The following C1orf87 variants were observed in gnomAD, a reference collection of about 807,000 sequenced individuals.
The protein encoded by C1orf87 is uncharacterized protein C1orf87.
In C1orf87, 58 loss-of-function variants were observed where a neutral mutation model predicts 60.5. The observed-to-expected ratio is 0.96, with a 90% CI of 0.78 to 1.19. The LOEUF is 1.19. Among genes scored for constraint, C1orf87 ranks in the 50% most tolerant of loss-of-function variants. C1orf87 has a pLI of 0.00. For missense variants in C1orf87, 673 were observed against 638.6 expected (o/e 1.05, Z -0.58); for synonymous variants, 236 against 227.4 (o/e 1.04, Z -0.34).
At chr1:60,070,769 T>A (rs898463788) in intron 2 of C1orf87, among the ~76,000 whole-genome samples, 1 of 152,208 alleles carries the variant, frequency 6.6e-6, no homozygotes, top group Non-Finnish European at 1.5e-5. Flanking sequence ...ACTCTTTTAT[T>A]TCTTGGTTCC....
chr1:60,064,820 A>AATATATATTTAATATATATTT (rs1645529391), intron 2 of C1orf87, among the ~76,000 whole-genome samples: 1 of 92,304 alleles, frequency 1.1e-5, no homozygotes, highest in Non-Finnish European at 1.9e-5. Context: ...AATATATATA[A>AATATATATTTAATATATATTT]ATATATATTA....
intron 3 of C1orf87, among the ~76,000 whole-genome samples, chr1:60,050,645 A>T (rs1645407854): frequency 6.6e-6 from 1 of 151,822 alleles, no homozygotes; most frequent in Non-Finnish European, 1.5e-5. Flanking sequence ...CTCTTATGTA[A>T]TTGCATTGGC....
chr1:60,033,731 C>T lies in C1orf87; in HGVS notation c.864-90G>A. 4 of 1,441,326 alleles carry T rather than the reference C, an allele frequency of 2.8e-6. No individual in the cohort carries two copies. The South Asian group carries it at 4.1e-5, about 15-fold the overall frequency. 89.3% of individuals were successfully genotyped at this position (1,441,326 alleles called of 1,614,324 possible). On this transcript the variant is annotated intron_variant, in intron 6 of 11. Transcript: ENST00000371201. ...CCTACTACATTTCTCAACTTTGCTA[C>T]ACACTATGGAACCAGAGAGCCCATC...
At chr1:60,016,262 A>G (rs1265563689) in intron 8 of C1orf87, among the ~76,000 whole-genome samples, 3 of 152,106 alleles carry the variant, frequency 2.0e-5, no homozygotes, top group Non-Finnish European at 2.9e-5. Context: ...AGGAAAACCA[A>G]CTCATGGGGT....
intron 8 of C1orf87, among the ~76,000 whole-genome samples, chr1:60,017,955 A>G (rs1382241171): frequency 6.6e-6 from 1 of 152,134 alleles, no homozygotes; most frequent in Non-Finnish European, 1.5e-5. Flanking sequence ...AGGAAGCACA[A>G]CTCATTTTAT....
intron 2 of C1orf87, among the ~76,000 whole-genome samples, chr1:60,063,870 G>A (rs912895779): frequency 1.3e-5 from 2 of 152,090 alleles, no homozygotes; most frequent in Non-Finnish European, 2.9e-5. Context: ...GGCCAGTACT[G>A]AGTGTCAACT....
At chr1:60,026,394 A>G (rs752313128) in intron 7 of C1orf87, among the ~76,000 whole-genome samples, 1 of 152,166 alleles carries the variant, frequency 6.6e-6, no homozygotes, top group African/African-American at 2.4e-5. Flanking sequence ...AGCATTTAGG[A>G]TAGTGCCTGG....
intron 3 of C1orf87, among the ~76,000 whole-genome samples, chr1:60,043,287 C>T (rs1645340067): frequency 6.6e-6 from 1 of 152,128 alleles, no homozygotes; most frequent in Admixed American, 6.5e-5. Context: ...GCAGACTTGT[C>T]CAAAACACTC....
intron 6 of C1orf87, 70 bp downstream of exon 6, chr1:60,037,922 C>A (rs72669614): frequency 2.0e-6 from 2 of 990,006 alleles, no homozygotes; most frequent in African/African-American, 3.2e-5. Flanking sequence ...GTTTATGGTA[C>A]TTTTTTATAG....
intron 2 of C1orf87, among the ~76,000 whole-genome samples, chr1:60,071,901 A>G (rs548875407): frequency 6.6e-6 from 1 of 152,322 alleles, no homozygotes; most frequent in South Asian, 2.1e-4. Flanking sequence ...CTACTATATG[A>G]AAGACAGATC....
At chr1:60,069,109 A>T (rs1409260111) in intron 2 of C1orf87, among the ~76,000 whole-genome samples, 1 of 152,156 alleles carries the variant, frequency 6.6e-6, no homozygotes, top group Non-Finnish European at 1.5e-5. Context: ...AATGCATAGG[A>T]AGTTGTAAGC....
intron 3 of C1orf87, among the ~76,000 whole-genome samples, chr1:60,042,966 T>G (rs1374002688): frequency 6.6e-6 from 1 of 152,196 alleles, no homozygotes; most frequent in African/African-American, 2.4e-5. Flanking sequence ...GAATGGCATC[T>G]AAATCTAGGC....
chr1:60,038,211 TA>T (rs11300572), intron 5 of C1orf87, 104 bp from the exon 6 acceptor site: 202,210 of 528,620 alleles, frequency 0.38, 40,797 homozygotes, highest in South Asian at 0.51. Flanking sequence ...ATCAAACATT[TA>T]AAAAAACACT....
intron 7 of C1orf87, among the ~76,000 whole-genome samples, chr1:60,031,808 A>G (rs80254655): frequency 0.02 from 3,001 of 152,300 alleles, 102 homozygotes; most frequent in African/African-American, 0.069. Context: ...AAACTTCACC[A>G]TTGGTTATGT....
At chr1:59,991,238 G>T (rs1210719927) in intron 11 of C1orf87, among the ~76,000 whole-genome samples, 1 of 152,004 alleles carries the variant, frequency 6.6e-6, no homozygotes, top group East Asian at 1.9e-4. Flanking sequence ...AAACATGCAG[G>T]GATTAAACAG....
chr1:60,028,731 G>A (rs571493731), intron 7 of C1orf87, among the ~76,000 whole-genome samples: 3 of 152,090 alleles, frequency 2.0e-5, no homozygotes, highest in South Asian at 2.1e-4. Context: ...AGGAACCTCC[G>A]TGGTTTTAAA....
At chr1:60,064,790 T>TTAAATATATAATTATATTTAATATATA (rs1645528732) in intron 2 of C1orf87, among the ~76,000 whole-genome samples, 1 of 92,704 alleles carries the variant, frequency 1.1e-5, no homozygotes, top group Non-Finnish European at 1.9e-5. Context: ...TAAATATATA[T>TTAAATATATAATTATATTTAATATATA]TAAATATATA....
chr1:60,021,242 G>A (rs1645161670), intron 8 of C1orf87, among the ~76,000 whole-genome samples: 1 of 152,166 alleles, frequency 6.6e-6, no homozygotes, highest in Admixed American at 6.5e-5. Flanking sequence ...AGCACTGTGA[G>A]AACAGACTAA....
intron 11 of C1orf87, among the ~76,000 whole-genome samples, chr1:59,996,794 A>G (rs534552696): frequency 1.3e-5 from 2 of 152,280 alleles, no homozygotes; most frequent in East Asian, 1.9e-4. Flanking sequence ...ATTTATCACC[A>G]TCTATCTTGG....
Sources: gnomAD v4.1 joint callset for allele counts (sites outside exome capture counted in the v4.1 genomes callset) on GRCh38, gnomAD v4.1.1 for gene constraint, MANE v1.5 for transcripts, NCBI Gene and HGNC (gene_info 2026-07-23, HGNC 2026-07-21) for gene names.